The following PDLIM5 variants were observed in gnomAD, a reference collection of about 807,000 sequenced individuals.
PDLIM5 encodes PDZ and LIM domain 5.
A neutral mutation model predicts 64.2 loss-of-function variants in PDLIM5; 34 were observed. The ratio of observed to expected loss-of-function variants is 0.53; its 90% confidence interval spans 0.40 to 0.71. The LOEUF (loss-of-function observed/expected upper bound fraction) is 0.71, where lower values mean the gene tolerates loss of function less well. Among genes scored for constraint, PDLIM5 ranks in the 30% least tolerant of loss-of-function variants. PDLIM5 has a pLI of 0.00. For synonymous variants in PDLIM5, 253 were observed against 269.1 expected (o/e 0.94, Z 0.59); for missense variants, 683 against 733.6 (o/e 0.93, Z 0.80).
Position 94,618,197 on chromosome 4 carries a change from C to T in PDLIM5, c.1108+6C>T. 1 of 1,571,940 alleles carries T rather than the reference C, an allele frequency of 6.4e-7. No individual in the cohort carries two copies. Among genetic ancestry groups the T allele is most frequent in the Non-Finnish European group, 8.6e-7 (1 of 1,156,122 alleles). The stretch of plus-strand genomic sequence containing the variant: ...GCAACGGCCAAACCAAGGAGGTAGC[C>T]CAGAGAAATCTCTTGCGTCTTGCTT... On this transcript the variant is annotated splice_donor_region_variant and intron_variant, in intron 8 of 12. Coordinates refer to ENST00000317968, the MANE Select transcript of PDLIM5 (RefSeq NM_006457.5).
intron 4 of PDLIM5, among the ~76,000 whole-genome samples, chr4:94,574,140 A>G (rs1311260874): frequency 1.3e-5 from 2 of 152,132 alleles, no homozygotes; most frequent in African/African-American, 4.8e-5. Context: ...GGGATACTCA[A>G]CCTGTATTGA....
At chr4:94,462,280 G>A (rs1723964655) in intron 2 of PDLIM5, among the ~76,000 whole-genome samples, 1 of 152,096 alleles carries the variant, frequency 6.6e-6, no homozygotes, top group African/African-American at 2.4e-5. Flanking sequence ...AGCCACCTGT[G>A]TTAGTAGTAT....
chr4:94,587,006 A>G (rs996213642), intron 7 of PDLIM5: 2 of 1,572,818 alleles, frequency 1.3e-6, no homozygotes, highest in African/African-American at 3.0e-5. Context: ...ATACCCCTTC[A>G]CGTCTTTAGT....
At chr4:94,523,952 T>C in intron 3 of PDLIM5, 77 bp downstream of exon 3, 1 of 1,023,376 alleles carries the variant, frequency 9.8e-7, no homozygotes, top group Non-Finnish European at 1.5e-6. Flanking sequence ...ACTCACGGTG[T>C]TAACTAAGAC....
chr4:94,581,000 A>G (rs1437242661), intron 5 of PDLIM5, among the ~76,000 whole-genome samples: 1 of 152,150 alleles, frequency 6.6e-6, no homozygotes, highest in East Asian at 1.9e-4. Context: ...GTATTTGTGT[A>G]GTTTTCAAAG....
At chr4:94,484,248 T>G (rs765182711) in intron 2 of PDLIM5, among the ~76,000 whole-genome samples, 22 of 152,176 alleles carry the variant, frequency 1.4e-4, no homozygotes, top group Non-Finnish European at 2.5e-4. Context: ...TAATATTTTT[T>G]GTTGATAAAT....
At chr4:94,502,149 G>A (rs1039454520) in intron 2 of PDLIM5, among the ~76,000 whole-genome samples, 35 of 152,086 alleles carry the variant, frequency 2.3e-4, no homozygotes, top group African/African-American at 8.2e-4. Context: ...GAGGAAATTT[G>A]TTTTGAAGCT....
chr4:94,649,118 G>A (rs1741645638), intron 9 of PDLIM5, among the ~76,000 whole-genome samples: 1 of 151,936 alleles, frequency 6.6e-6, no homozygotes, highest in African/African-American at 2.4e-5. Flanking sequence ...TAAGACCACG[G>A]GCACGTGCCA....
At chr4:94,587,997 A>G in intron 7 of PDLIM5, 2 of 974,834 alleles carry the variant, frequency 2.1e-6, no homozygotes, top group South Asian at 4.7e-5. Flanking sequence ...TGGGCAATAC[A>G]TGGAAGCTAA....
intron 8 of PDLIM5, among the ~76,000 whole-genome samples, chr4:94,638,290 CT>C (rs1482151088): frequency 6.6e-6 from 1 of 152,110 alleles, no homozygotes; most frequent in African/African-American, 2.4e-5. Flanking sequence ...TATTACAGCA[CT>C]TTTCTTTCCC....
intron 3 of PDLIM5, among the ~76,000 whole-genome samples, chr4:94,530,966 G>T (rs1479551878): frequency 6.6e-6 from 1 of 152,148 alleles, no homozygotes; most frequent in Non-Finnish European, 1.5e-5. Flanking sequence ...ATAGAATAGA[G>T]GCAGGAGTTT....
chr4:94,594,206 CT>C (rs1389151746), intron 7 of PDLIM5, among the ~76,000 whole-genome samples: 2 of 151,948 alleles, frequency 1.3e-5, no homozygotes, highest in Non-Finnish European at 2.9e-5. Context: ...AAAGTTGACA[CT>C]TTTTTCTTGA....
At chr4:94,475,439 A>G (rs1405164070) in intron 2 of PDLIM5, among the ~76,000 whole-genome samples, 1 of 152,200 alleles carries the variant, frequency 6.6e-6, no homozygotes, top group Non-Finnish European at 1.5e-5. Flanking sequence ...GATTTTTTGC[A>G]AATAAACAAT....
intron 9 of PDLIM5, among the ~76,000 whole-genome samples, chr4:94,650,199 T>C (rs1282022747): frequency 6.6e-6 from 1 of 152,198 alleles, no homozygotes; most frequent in African/African-American, 2.4e-5. Flanking sequence ...ACTCTCTTCC[T>C]GCTTGTGTCT....
chr4:94,516,098 A>C (rs1729332298), intron 2 of PDLIM5, among the ~76,000 whole-genome samples: 1 of 152,234 alleles, frequency 6.6e-6, no homozygotes, highest in Admixed American at 6.5e-5. Flanking sequence ...AGAGTAGAGT[A>C]AGATGCTGTT....
At chr4:94,498,424 G>C (rs1346134785) in intron 2 of PDLIM5, among the ~76,000 whole-genome samples, 1 of 152,078 alleles carries the variant, frequency 6.6e-6, no homozygotes, top group Non-Finnish European at 1.5e-5. Context: ...CTAACACTTG[G>C]ACTTTCTGAG....
At chr4:94,477,382 A>G (rs1264196598) in intron 2 of PDLIM5, among the ~76,000 whole-genome samples, 1 of 152,208 alleles carries the variant, frequency 6.6e-6, no homozygotes, top group African/African-American at 2.4e-5. Context: ...CATGCAGTCC[A>G]GCTTGGAGAT....
chr4:94,490,537 A>G (rs946131669), intron 2 of PDLIM5, among the ~76,000 whole-genome samples: 1 of 152,154 alleles, frequency 6.6e-6, no homozygotes, highest in African/African-American at 2.4e-5. Flanking sequence ...TGATGGTCAA[A>G]TTAATTGATT....
chr4:94,535,312 G>A (rs1451745073), intron 3 of PDLIM5, among the ~76,000 whole-genome samples: 2 of 152,174 alleles, frequency 1.3e-5, no homozygotes, highest in East Asian at 1.9e-4. Flanking sequence ...TCAGTGTTCT[G>A]CCCCTTTCAC....
Sources: gnomAD v4.1 joint callset for allele counts (sites outside exome capture counted in the v4.1 genomes callset) on GRCh38, gnomAD v4.1.1 for gene constraint, MANE v1.5 for transcripts, NCBI Gene and HGNC (gene_info 2026-07-23, HGNC 2026-07-21) for gene names.